Variants in UBE3D observed in about 807,000 individuals in gnomAD.
UBE3D encodes ubiquitin protein ligase E3D, also known as E3 ubiquitin-protein ligase E3D.
UBE3D carries 48 observed loss-of-function variants against 49.6 expected under a neutral mutation model. The ratio of observed to expected loss-of-function variants is 0.97; its 90% CI spans 0.77 to 1.23. The LOEUF (loss-of-function observed/expected upper bound fraction) is 1.23. Among genes scored for constraint, UBE3D ranks in the 50% most tolerant of loss-of-function variants. The pLI is 0.00. For missense variants in UBE3D, 452 were observed against 468.4 expected, an observed-to-expected ratio of 0.96 and a Z score of 0.32; for synonymous variants, 189 against 174.2, an observed-to-expected ratio of 1.08 and a Z score of -0.67.
rs182093289 is a variant in UBE3D at position 82,947,190 on chromosome 6, T to C, written c.1149+10122A>G. On this transcript the variant is annotated intron_variant, in intron 9 of 9. Coordinates refer to ENST00000369747, the MANE Select transcript of UBE3D (RefSeq NM_198920.3). ...AAAATAGATTTAAAGACAAAAACTA[T>C]ACAAAGAGACAAAGAAGGTCATTAT... Among the ~76,000 whole-genome samples the C allele has an allele frequency of 2.3e-3, 342 of 151,932 alleles. 2 individuals carry two copies. Among genetic ancestry groups the C allele is most frequent in the African/African-American group, 7.2e-3 (297 of 41,482 alleles).
chr6:82,904,973 G>A (rs1771995454), intron 9 of UBE3D, among the ~76,000 whole-genome samples: 1 of 152,046 alleles, frequency 6.6e-6, no homozygotes, highest in Non-Finnish European at 1.5e-5. Flanking sequence ...TTGTGTAGGG[G>A]GCGTCTAAAG....
chr6:82,989,395 A>G (rs1778734525), intron 8 of UBE3D, among the ~76,000 whole-genome samples: 1 of 152,046 alleles, frequency 6.6e-6, no homozygotes, highest in Non-Finnish European at 1.5e-5. Flanking sequence ...ATATTCACCC[A>G]TCAGTTAGAA....
Position 83,058,017 on chromosome 6 carries a change from G to T in UBE3D, c.83C>A (p.Pro28Gln). 1 of 1,613,834 alleles carries T rather than the reference G, an allele frequency of 6.2e-7. No homozygotes were observed. The highest frequency in any genetic ancestry group is 2.2e-5 in the East Asian group (1 of 44,862). Residue 28 changes from proline to glutamine, a missense_variant, in exon 2 of 10, where the codon CCG becomes CAG. Coordinates refer to ENST00000369747, the MANE Select transcript of UBE3D (RefSeq NM_198920.3). ...LQSALLILGEPKEGGMPMNIS... is the reference protein window; with the variant it reads ...LQSALLILGEQKEGGMPMNIS... ...ATTCATGGGCATACCTCCTTCTTTCGGTTCTCTGGTAATTAAAAACAAAAC... is the reference window on the plus strand; with the variant it reads ...ATTCATGGGCATACCTCCTTCTTTCTGTTCTCTGGTAATTAAAAACAAAAC...
intron 8 of UBE3D, among the ~76,000 whole-genome samples, chr6:82,967,192 A>G (rs1777004129): frequency 1.3e-5 from 2 of 152,190 alleles, no homozygotes; most frequent in South Asian, 4.1e-4. Context: ...ATGCATTTGT[A>G]AGAAATACAG....
intron 8 of UBE3D, among the ~76,000 whole-genome samples, chr6:83,005,336 G>T (rs943284288): frequency 6.6e-6 from 1 of 151,652 alleles, no homozygotes; most frequent in Admixed American, 6.6e-5. Context: ...AATAACAAGC[G>T]CTAGCAAGGA....
intron 8 of UBE3D, among the ~76,000 whole-genome samples, chr6:83,004,266 T>G (rs1165856354): frequency 6.6e-6 from 1 of 152,148 alleles, no homozygotes; most frequent in African/African-American, 2.4e-5. Flanking sequence ...GAATTTCTCT[T>G]GAGGAAAAAT....
At chr6:82,985,878 T>C (rs527673533) in intron 8 of UBE3D, among the ~76,000 whole-genome samples, 1 of 152,306 alleles carries the variant, frequency 6.6e-6, no homozygotes, top group East Asian at 1.9e-4. Context: ...ATGGTTTGTC[T>C]ATTCATGGGT....
chr6:82,921,042 A>T (rs115177407), intron 9 of UBE3D, among the ~76,000 whole-genome samples: 2,576 of 151,580 alleles, frequency 0.017, 65 homozygotes, highest in African/African-American at 0.058. Flanking sequence ...TGCAACCTTA[A>T]CTGCCAGGGT....
chr6:83,045,164 T>C (rs1204152244), intron 3 of UBE3D, among the ~76,000 whole-genome samples: 1 of 152,182 alleles, frequency 6.6e-6, no homozygotes, highest in Admixed American at 6.5e-5. Flanking sequence ...CTATTTTCCT[T>C]GGAAAGAATC....
At chr6:82,887,389 G>GTTTTTGTTTTTTTTTTTT in the UBE3D span, among the ~76,000 whole-genome samples, 2 of 98,366 alleles carry the variant, frequency 2.0e-5, no homozygotes, top group African/African-American at 5.1e-5. Flanking sequence ...GACAGTAACA[G>GTTTTTGTTTTTTTTTTTT]TTTTTTTTTT....
At chr6:82,887,399 T>TTTTTTG (rs1770906326), downstream of UBE3D, among the ~76,000 whole-genome samples, 2 of 138,958 alleles carry the variant, frequency 1.4e-5, no homozygotes, top group African/African-American at 2.8e-5. Context: ...GTTTTTTTTT[T>TTTTTTG]TTTTTTTTTT....
chr6:82,946,981 G>T (rs548083252), intron 9 of UBE3D, among the ~76,000 whole-genome samples: 23 of 150,018 alleles, frequency 1.5e-4, no homozygotes, highest in African/African-American at 5.6e-4. Context: ...AGCAAGACAG[G>T]AAGGAAAGAA....
At chr6:82,979,260 T>A (rs1349115938) in intron 8 of UBE3D, among the ~76,000 whole-genome samples, 1 of 152,192 alleles carries the variant, frequency 6.6e-6, no homozygotes, top group Non-Finnish European at 1.5e-5. Context: ...TTTATACCAT[T>A]ACAGGACTAT....
chr6:82,907,658 T>G (rs1405823327), intron 9 of UBE3D, among the ~76,000 whole-genome samples: 3 of 152,152 alleles, frequency 2.0e-5, no homozygotes, highest in Non-Finnish European at 4.4e-5. Context: ...ATACCCAGAA[T>G]AGTTAAATAA....
At chr6:82,892,000 G>A (rs148189981), downstream of UBE3D, among the ~76,000 whole-genome samples, 997 of 147,666 alleles carry the variant, frequency 6.8e-3, 10 homozygotes, top group Middle Eastern at 0.048. Flanking sequence ...GGCAACGAGA[G>A]CTAAATTCCA....
chr6:82,947,145 T>C (rs925078201), intron 9 of UBE3D, among the ~76,000 whole-genome samples: 4 of 151,910 alleles, frequency 2.6e-5, no homozygotes, highest in Non-Finnish European at 5.9e-5. Context: ...AAGAGCAAAG[T>C]AGCTAGGCTT....
intron 9 of UBE3D, among the ~76,000 whole-genome samples, chr6:82,939,876 TAGTA>T (rs767008392): frequency 1.7e-4 from 26 of 152,310 alleles, no homozygotes; most frequent in Admixed American, 6.5e-4. Context: ...ATTATAGACT[TAGTA>T]AGCTATACAT....
intron 8 of UBE3D, among the ~76,000 whole-genome samples, chr6:82,974,475 A>G (rs1301583418): frequency 2.6e-5 from 4 of 152,238 alleles, no homozygotes; most frequent in Non-Finnish European, 4.4e-5. Context: ...GAGATTACTT[A>G]TAATACCTAA....
intron 5 of UBE3D, among the ~76,000 whole-genome samples, chr6:83,031,822 C>T (rs972096437): frequency 2.6e-5 from 4 of 152,150 alleles, no homozygotes; most frequent in African/African-American, 9.7e-5. Context: ...CCGCACTAGC[C>T]ATGGCTAAAA....
Sources: allele counts gnomAD v4.1 joint callset (sites outside exome capture counted in the v4.1 genomes callset), GRCh38; gene constraint gnomAD v4.1.1; transcripts MANE v1.5; gene names NCBI Gene and HGNC (gene_info 2026-07-23, HGNC 2026-07-21).